Variants in IQCM observed in about 807,000 individuals in gnomAD.
IQCM encodes IQ motif containing M, also known as IQ domain-containing protein M.
A neutral mutation model predicts 57.6 loss-of-function variants in IQCM; 45 were observed. That is an observed-to-expected ratio of 0.78 (90% CI 0.62 to 1.00). IQCM has a LOEUF of 1.00. Among genes scored for constraint, IQCM ranks in the 50% least tolerant of loss-of-function variants. The pLI is 0.00. For missense variants in IQCM, 468 were observed against 511.6 expected, an observed-to-expected ratio of 0.91 and a Z score of 0.82; for synonymous variants, 148 against 158.9, an observed-to-expected ratio of 0.93 and a Z score of 0.51.
intron 2 of IQCM, among the ~76,000 whole-genome samples, chr4:149,768,723 G>T (rs1011778671): frequency 3.3e-5 from 5 of 151,884 alleles, no homozygotes; most frequent in Admixed American, 3.3e-4. Context: ...CTTAAACAGA[G>T]ACCAAAGATC....
At chr4:149,654,718 A>G (rs1448643928) in intron 7 of IQCM, among the ~76,000 whole-genome samples, 5 of 152,210 alleles carry the variant, frequency 3.3e-5, no homozygotes, top group African/African-American at 1.2e-4. Context: ...ATGAGTGACC[A>G]AAGTCCTTTG....
intron 7 of IQCM, among the ~76,000 whole-genome samples, chr4:149,652,628 G>A (rs957564782): frequency 6.0e-5 from 9 of 151,162 alleles, no homozygotes; most frequent in African/African-American, 2.2e-4. Flanking sequence ...CAATAAAGTA[G>A]CAAAGAAAAA....
intron 8 of IQCM, among the ~76,000 whole-genome samples, chr4:149,591,310 A>C (rs999571348): frequency 1.4e-4 from 22 of 152,032 alleles, no homozygotes; most frequent in African/African-American, 5.1e-4. Flanking sequence ...TTCTTTCATT[A>C]ATAAACCATA....
At chr4:149,470,622 C>T (rs376177706) in intron 12 of IQCM, among the ~76,000 whole-genome samples, 1 of 152,248 alleles carries the variant, frequency 6.6e-6, no homozygotes, top group South Asian at 2.1e-4. Context: ...ACCAAGCAGA[C>T]CTAATAGACA....
At chr4:149,541,938 C>G (rs935943202) in intron 12 of IQCM, among the ~76,000 whole-genome samples, 1 of 152,000 alleles carries the variant, frequency 6.6e-6, no homozygotes, top group Non-Finnish European at 1.5e-5. Context: ...TATACACAAT[C>G]AAAGAAGTCA....
chr4:149,785,713 C>T (rs1015890471), intron 2 of IQCM, among the ~76,000 whole-genome samples: 3 of 151,908 alleles, frequency 2.0e-5, no homozygotes, highest in African/African-American at 4.8e-5. Context: ...TTTTTGTACA[C>T]ATTTTTTCTG....
chr4:149,488,455 A>G (rs1741751357), intron 12 of IQCM, among the ~76,000 whole-genome samples: 1 of 152,172 alleles, frequency 6.6e-6, no homozygotes, highest in Non-Finnish European at 1.5e-5. Flanking sequence ...CAAATTTGAA[A>G]CTTCAAAGTT....
At chr4:149,532,647 T>G (rs1345061964) in intron 12 of IQCM, among the ~76,000 whole-genome samples, 1 of 152,092 alleles carries the variant, frequency 6.6e-6, no homozygotes, top group African/African-American at 2.4e-5. Flanking sequence ...AAGGAAAGTA[T>G]GAAAGATTTT....
chr4:149,646,755 A>T (rs1329735735), intron 7 of IQCM, among the ~76,000 whole-genome samples: 1 of 152,174 alleles, frequency 6.6e-6, no homozygotes, highest in Non-Finnish European at 1.5e-5. Flanking sequence ...AGGCTGAGGC[A>T]GGCAGATCAC....
intron 12 of IQCM, among the ~76,000 whole-genome samples, chr4:149,472,562 A>T (rs947053198): frequency 5.3e-5 from 8 of 152,192 alleles, no homozygotes; most frequent in Non-Finnish European, 1.2e-4. Flanking sequence ...TAATTTATAG[A>T]TTCAATACCA....
intron 8 of IQCM, among the ~76,000 whole-genome samples, chr4:149,598,838 C>T (rs1315562029): frequency 1.3e-5 from 2 of 152,160 alleles, no homozygotes; most frequent in African/African-American, 2.4e-5. Context: ...TGAACCTATG[C>T]TCACTTGACA....
chr4:149,595,416 A>G (rs1322094928), intron 8 of IQCM, among the ~76,000 whole-genome samples: 3 of 152,164 alleles, frequency 2.0e-5, no homozygotes, highest in Non-Finnish European at 2.9e-5. Flanking sequence ...CTCACATAAT[A>G]CGAAATGTTT....
At chr4:149,405,128 C>T (rs1199511697) in intron 13 of IQCM, among the ~76,000 whole-genome samples, 1 of 151,186 alleles carries the variant, frequency 6.6e-6, no homozygotes, top group Non-Finnish European at 1.5e-5. Flanking sequence ...AAAAATTAGG[C>T]CAAAAAAGAA....
chr4:149,564,347 G>C (rs1750409384), intron 9 of IQCM, among the ~76,000 whole-genome samples: 1 of 152,162 alleles, frequency 6.6e-6, no homozygotes. Context: ...CTGTACTATG[G>C]TGGTAGGATC....
intron 7 of IQCM, among the ~76,000 whole-genome samples, chr4:149,631,189 A>T (rs1757233533): frequency 6.6e-6 from 1 of 152,194 alleles, no homozygotes; most frequent in Admixed American, 6.5e-5. Context: ...TTGCTGCTGG[A>T]GGAATTCAGG....
intron 9 of IQCM, among the ~76,000 whole-genome samples, chr4:149,573,390 A>G (rs1751347198): frequency 6.6e-6 from 1 of 151,848 alleles, no homozygotes. Context: ...AGATTGTTTC[A>G]TTGACTCCTT....
At chr4:149,501,798 A>C (rs746921868) in intron 12 of IQCM, among the ~76,000 whole-genome samples, 3 of 152,168 alleles carry the variant, frequency 2.0e-5, no homozygotes, top group Admixed American at 6.5e-5. Context: ...TTGGAAATTG[A>C]TTGCCCTGCA....
intron 2 of IQCM, among the ~76,000 whole-genome samples, chr4:149,788,787 A>G (rs531408695): frequency 6.6e-6 from 1 of 152,366 alleles, no homozygotes; most frequent in East Asian, 1.9e-4. Flanking sequence ...AATGTGGTAT[A>G]TATACACAGC....
At chr4:149,554,551 T>C (rs1749353977) in intron 10 of IQCM, among the ~76,000 whole-genome samples, 1 of 151,984 alleles carries the variant, frequency 6.6e-6, no homozygotes, top group Admixed American at 6.5e-5. Context: ...CCTGACCTCA[T>C]GATCTGCCCA....
Sources: gnomAD v4.1 joint callset for allele counts (sites outside exome capture counted in the v4.1 genomes callset) on GRCh38, gnomAD v4.1.1 for gene constraint, MANE v1.5 for transcripts, NCBI Gene and HGNC (gene_info 2026-07-23, HGNC 2026-07-21) for gene names.